The following DLG2 variants were observed in gnomAD, a reference collection of about 807,000 sequenced individuals.
The protein encoded by DLG2 is discs large MAGUK scaffold protein 2.
Under a neutral mutation model 132.5 loss-of-function variants are expected in DLG2, and 45 were observed. The observed-to-expected ratio is 0.34, with a 90% CI of 0.27 to 0.44. The LOEUF is 0.44. Ranked by LOEUF, DLG2 falls within the 20% of genes least tolerant of loss-of-function variation. The probability of loss-of-function intolerance (pLI) is 1.00; values close to 1 mark genes in which losing one functional copy is unlikely to be tolerated. For synonymous variants in DLG2, 424 were observed against 419.6 expected, an observed-to-expected ratio of 1.01 and a Z score of -0.13; for missense variants, 1,045 against 1,196.9, an observed-to-expected ratio of 0.87 and a Z score of 1.87.
At chr11:84,945,652 A>T (rs77162307) in intron 6 of DLG2, among the ~76,000 whole-genome samples, 3,073 of 152,258 alleles carry the variant, frequency 0.02, 57 homozygotes, top group Admixed American at 0.043. Flanking sequence ...TTAGGGCAGC[A>T]AGCTTCCCCC....
rs1350509861 is a variant in DLG2, at chr11:84,923,301, C to CA, written c.357+188359dup. ...GTCTTGAAGGCACTGAGTGAGAGCTCAAAATCTCTTCATTGGCTATATATA... is the reference window on the plus strand; with the variant it reads ...GTCTTGAAGGCACTGAGTGAGAGCTCAAAAATCTCTTCATTGGCTATATATA... On this transcript the variant is annotated intron_variant, in intron 6 of 27. Coordinates refer to ENST00000376104, the MANE Select transcript of DLG2 (RefSeq NM_001142699.3). The CA allele has an allele frequency of 4.2e-6, 6 of 1,431,202 alleles. No individual in the cohort carries two copies. In the Admixed American group the frequency reaches 1.3e-4, roughly 31 times the overall value. The allele number at this position is 1,431,202 out of a possible 1,614,324, so 88.7% of individuals were successfully genotyped here. A position where few individuals can be genotyped will look rare whatever the true frequency, so the allele number is the denominator to read the frequency against.
At chr11:84,614,169 A>T (rs2099600144) in intron 6 of DLG2, among the ~76,000 whole-genome samples, 1 of 152,218 alleles carries the variant, frequency 6.6e-6, no homozygotes, top group African/African-American at 2.4e-5. Context: ...TGATAGGAAA[A>T]TAAATGGACA....
rs187509526 is a variant in DLG2, at chr11:84,108,932, A to G, written c.625-9885T>C. Among the ~76,000 whole-genome samples, 134 of 152,238 alleles carry G rather than the reference A, an allele frequency of 8.8e-4. 1 individual carries two copies. The highest frequency in any genetic ancestry group is 1.5e-3 in the Non-Finnish European group (105 of 68,016). On this transcript the variant is annotated intron_variant, in intron 9 of 27. Coordinates refer to ENST00000376104, the MANE Select transcript of DLG2 (RefSeq NM_001142699.3). Reference sequence around the variant, plus strand: ...GGCTGGAACGTGAAAGGTGGAAAAGAGAAGAATCAAAGATGACGTGACACA... The same window carrying G: ...GGCTGGAACGTGAAAGGTGGAAAAGGGAAGAATCAAAGATGACGTGACACA...
chr11:84,500,707 G>A (rs886496616), intron 7 of DLG2, among the ~76,000 whole-genome samples: 1 of 152,124 alleles, frequency 6.6e-6, no homozygotes. Context: ...ATATGTGAAG[G>A]CATCAATGCC....
chr11:85,505,266 G>A (rs1484067083), intron 3 of DLG2, among the ~76,000 whole-genome samples: 3 of 152,160 alleles, frequency 2.0e-5, no homozygotes, highest in Non-Finnish European at 2.9e-5. Context: ...TGTTGAATAG[G>A]AGTGGTGAGA....
chr11:84,853,562 G>A (rs1392853818), intron 6 of DLG2, among the ~76,000 whole-genome samples: 1 of 151,894 alleles, frequency 6.6e-6, no homozygotes, highest in Non-Finnish European at 1.5e-5. Flanking sequence ...ATGTATTAAA[G>A]AAACATTTAT....
At chr11:84,483,957 T>C (rs1310836324) in intron 7 of DLG2, among the ~76,000 whole-genome samples, 2 of 152,174 alleles carry the variant, frequency 1.3e-5, no homozygotes, top group African/African-American at 4.8e-5. Flanking sequence ...CTCTATTCTA[T>C]TGGCCTTACC....
intron 3 of DLG2, among the ~76,000 whole-genome samples, chr11:85,507,508 T>C (rs2093962395): frequency 6.6e-6 from 1 of 152,208 alleles, no homozygotes; most frequent in Non-Finnish European, 1.5e-5. Context: ...GGATTGAAAA[T>C]TATTTTCTTT....
Position 83,711,057 on chromosome 11 carries a change from A to C in DLG2, c.1825+75633T>G, listed in dbSNP as rs537385732. 4.5e-3 allele frequency among the ~76,000 whole-genome samples: 680 copies of C among 152,302 alleles called. 8 individuals are homozygous for C. Among genetic ancestry groups the C allele is most frequent in the Non-Finnish European group, 6.3e-3 (427 of 68,016 alleles). The stretch of plus-strand genomic sequence containing the variant: ...TTAGGTGACACACCTAAGGTTCCAC[A>C]TAACTAGATCCTGACTATAAAACCA... On this transcript the variant is annotated intron_variant, in intron 18 of 27. Transcript: ENST00000376104.
At chr11:84,166,711 T>C (rs2095674562) in intron 8 of DLG2, 3 of 313,028 alleles carry the variant, frequency 9.6e-6, no homozygotes, top group Non-Finnish European at 1.9e-5. Flanking sequence ...GTATCTACAG[T>C]AATTCACCCC....
In DLG2 at chr11:84,770,584, T is replaced by C. The variant is rs140852074; in HGVS notation, c.358-235853A>G. On this transcript the variant is annotated intron_variant, in intron 6 of 27. Coordinates refer to ENST00000376104, the MANE Select transcript of DLG2 (RefSeq NM_001142699.3). Reference sequence around the variant, plus strand: ...TTTGGTTTTCTATTCCTGCATCAATTTGTGAAGGATAATGGCCTCCAACTG... The same window carrying C: ...TTTGGTTTTCTATTCCTGCATCAATCTGTGAAGGATAATGGCCTCCAACTG... 5.1e-3 allele frequency among the ~76,000 whole-genome samples: 779 copies of C among 152,206 alleles called. 20 individuals are homozygous for C. Among genetic ancestry groups the C allele is most frequent in the East Asian group, 0.024 (125 of 5,168 alleles).
intron 11 of DLG2, among the ~76,000 whole-genome samples, chr11:83,989,315 T>C (rs931598920): frequency 1.3e-5 from 2 of 152,210 alleles, no homozygotes; most frequent in Non-Finnish European, 2.9e-5. Flanking sequence ...TCTTTCGTCT[T>C]ATAACTATGC....
At chr11:85,119,222 T>TTTGGG (rs1280938677) in intron 5 of DLG2, among the ~76,000 whole-genome samples, 2 of 152,046 alleles carry the variant, frequency 1.3e-5, no homozygotes, top group African/African-American at 4.8e-5. Context: ...CAATTTAAGA[T>TTTGGG]AACTAAATTT....
intron 6 of DLG2, among the ~76,000 whole-genome samples, chr11:85,050,075 G>C (rs570057466): frequency 6.8e-6 from 1 of 147,120 alleles, no homozygotes; most frequent in South Asian, 2.2e-4. Context: ...ACATTCTGAA[G>C]GAACTCCAAC....
intron 4 of DLG2, among the ~76,000 whole-genome samples, chr11:85,268,290 G>A (rs908438926): frequency 2.0e-5 from 3 of 152,154 alleles, no homozygotes; most frequent in Middle Eastern, 3.2e-3. Flanking sequence ...TCTTTGGAAA[G>A]GCTAATCAGA....
chr11:85,282,706 A>G (rs749164760), intron 4 of DLG2, among the ~76,000 whole-genome samples: 18 of 151,990 alleles, frequency 1.2e-4, no homozygotes, highest in Admixed American at 2.0e-4. Context: ...TATGCAATAT[A>G]TATGGGACTA....
At chr11:85,515,646 G>A (rs1380778669) in intron 3 of DLG2, among the ~76,000 whole-genome samples, 1 of 151,922 alleles carries the variant, frequency 6.6e-6, no homozygotes, top group Non-Finnish European at 1.5e-5. Flanking sequence ...CACTCTCAAT[G>A]ACATAAAGAG....
At chr11:84,094,060 A>G (rs2097134464) in intron 10 of DLG2, among the ~76,000 whole-genome samples, 2 of 152,130 alleles carry the variant, frequency 1.3e-5, no homozygotes, top group Admixed American at 1.3e-4. Context: ...CATGCTGGTA[A>G]CAGTGGGTCT....
intron 6 of DLG2, among the ~76,000 whole-genome samples, chr11:84,917,942 G>A (rs1212448284): frequency 3.9e-5 from 6 of 152,096 alleles, no homozygotes; most frequent in African/African-American, 7.2e-5. Context: ...TCTCTGACTT[G>A]TTATGAGCCA....
Sources: gnomAD v4.1 joint callset for allele counts (sites outside exome capture counted in the v4.1 genomes callset) on GRCh38, gnomAD v4.1.1 for gene constraint, MANE v1.5 for transcripts, NCBI Gene and HGNC (gene_info 2026-07-23, HGNC 2026-07-21) for gene names.